The following PKIG variants were observed in gnomAD, a reference collection of about 807,000 sequenced individuals.
The protein encoded by PKIG is protein kinase (cAMP-dependent, catalytic) inhibitor gamma.
A neutral mutation model predicts 6.8 loss-of-function variants in PKIG; 1 was observed. That is an observed-to-expected ratio of 0.15 (90% CI 0.05 to 0.69). The LOEUF is 0.69. PKIG is among the 30% of genes least tolerant of loss of function. The pLI, the probability that PKIG is intolerant of heterozygous loss-of-function variation, is 0.82. For synonymous variants in PKIG, 39 were observed against 43.0 expected (o/e 0.91, Z 0.36); for missense variants, 77 against 104.0 (o/e 0.74, Z 1.13).
At chr20:44,607,377 A>ATTTTTTTT (rs59226646) in intron 2 of PKIG, among the ~76,000 whole-genome samples, 1 of 94,256 alleles carries the variant, frequency 1.1e-5, no homozygotes, top group Non-Finnish European at 1.9e-5. Context: ...ATATATATAT[A>ATTTTTTTT]TTTTTTTTTT....
rs67308411 is a variant in PKIG at position 44,618,167 on chromosome 20, C to T, written c.152-118C>T. Reference sequence around the variant, plus strand: ...CCACCACCTCAGTCCAGCTCCAGCTCGTCTTGCTCCCCAGGGCATATCCAC... The same window carrying T: ...CCACCACCTCAGTCCAGCTCCAGCTTGTCTTGCTCCCCAGGGCATATCCAC... On this transcript the variant is annotated intron_variant, in intron 3 of 3. Transcript: ENST00000372886. The T allele has an allele frequency of 3.3e-5, 18 of 550,456 alleles. No individual in the cohort carries two copies. The Middle Eastern group carries it at 1.4e-3, about 44-fold the overall frequency. The allele number at this position is 550,456 out of a possible 1,614,324, so 34.1% of individuals were successfully genotyped here. A position where few individuals can be genotyped will look rare whatever the true frequency, so the allele number is the denominator to read the frequency against.
At chr20:44,573,056 C>T (rs78733711) in intron 1 of PKIG, among the ~76,000 whole-genome samples, 2,761 of 152,316 alleles carry the variant, frequency 0.018, 88 homozygotes, top group African/African-American at 0.063. Context: ...GGCAGAGGCA[C>T]GCATGGCTCA....
At chr20:44,535,168 A>G (rs1462878375) in intron 1 of PKIG, among the ~76,000 whole-genome samples, 1 of 152,206 alleles carries the variant, frequency 6.6e-6, no homozygotes, top group Non-Finnish European at 1.5e-5. Flanking sequence ...ACATGTACCC[A>G]GCTTAGCCAC....
chr20:44,618,212 C>T, intron 3 of PKIG, 73 bp from the exon 4 acceptor site: 1 of 967,586 alleles, frequency 1.0e-6, no homozygotes, highest in Non-Finnish European at 1.7e-6. Flanking sequence ...TTTGGCTGGG[C>T]CCTTTCACAC....
At chr20:44,579,341 A>G (rs1396455559), upstream of PKIG, among the ~76,000 whole-genome samples, 2 of 152,230 alleles carry the variant, frequency 1.3e-5, no homozygotes, top group African/African-American at 4.8e-5. Flanking sequence ...CTTCATCCTC[A>G]AATGGAGCTG....
chr20:44,555,104 G>A (rs930469583), intron 1 of PKIG, among the ~76,000 whole-genome samples: 1 of 151,996 alleles, frequency 6.6e-6, no homozygotes, highest in African/African-American at 2.4e-5. Context: ...TATTTTTGTT[G>A]ATGTTGTCAT....
intron 1 of PKIG, among the ~76,000 whole-genome samples, chr20:44,554,625 A>G (rs2064697789): frequency 6.6e-6 from 1 of 152,150 alleles, no homozygotes; most frequent in African/African-American, 2.4e-5. Context: ...AATAGGCAGT[A>G]GTTTGCTGGT....
rs774154545 is a variant in PKIG, at chr20:44,614,698, G to A, written c.142G>A (p.Glu48Lys). The change falls in exon 3 of 4, where the codon GAG becomes AAG. Residue 48 changes from glutamate to lysine, a missense_variant. Physicochemically the swap from Glu to Lys is moderately conservative, Grantham distance 56 (BLOSUM62 1). Coordinates refer to ENST00000372886, the MANE Select transcript of PKIG (RefSeq NM_001281445.2). The surrounding 1 kb of genome is among the most constrained non-coding windows in gnomAD (Gnocchi z 4.6). Reference sequence around the variant, plus strand: ...TGGAGACATGGGCGAGCTGGCACTCGAGGGGGCAGGTTAGAGCCAGCAGGT... The same window carrying A: ...TGGAGACATGGGCGAGCTGGCACTCAAGGGGGCAGGTTAGAGCCAGCAGGT... ...LAGDMGELAL[E>K]GAEGQVEGSA... The A allele has an allele frequency of 1.7e-5, 27 of 1,613,540 alleles. No individual in the cohort carries two copies. The highest frequency in any genetic ancestry group is 4.5e-5 in the East Asian group (2 of 44,894).
At chr20:44,616,073 C>T (rs1212572661) in intron 3 of PKIG, among the ~76,000 whole-genome samples, 1 of 152,176 alleles carries the variant, frequency 6.6e-6, no homozygotes, top group Non-Finnish European at 1.5e-5. Context: ...CAGCCATAGT[C>T]AAGTACTTTG....
intron 2 of PKIG, among the ~76,000 whole-genome samples, chr20:44,612,201 A>G (rs973939220): frequency 2.6e-5 from 4 of 152,216 alleles, no homozygotes; most frequent in Admixed American, 6.5e-5. Context: ...ACTGTTTTCC[A>G]TAGTGGCTGT....
At chr20:44,578,336 A>G (rs1470492923), upstream of PKIG, among the ~76,000 whole-genome samples, 1 of 151,828 alleles carries the variant, frequency 6.6e-6, no homozygotes, top group Non-Finnish European at 1.5e-5. Flanking sequence ...CTCAAAAAAA[A>G]AAAAAAAAAA....
intron 1 of PKIG, among the ~76,000 whole-genome samples, chr20:44,558,603 T>TCA (rs1491261401): frequency 6.6e-6 from 1 of 150,482 alleles, no homozygotes; most frequent in Non-Finnish European, 1.5e-5. Flanking sequence ...TCTTTCTTTC[T>TCA]TTCTTTCTTT....
chr20:44,544,882 CTTTCT>C (rs1220779820), intron 1 of PKIG, among the ~76,000 whole-genome samples: 72 of 137,236 alleles, frequency 5.2e-4, no homozygotes, highest in East Asian at 2.8e-3. Flanking sequence ...TGACTTTCCT[CTTTCT>C]TTTCTTTTCT....
chr20:44,611,130 C>T lies in PKIG; in HGVS notation c.-23-3404C>T, dbSNP rs535671467. 4.6e-5 allele frequency among the ~76,000 whole-genome samples: 7 copies of T among 150,698 alleles called. No homozygotes were observed. In the South Asian group the frequency reaches 8.4e-4, roughly 18 times the overall value. On this transcript the variant is annotated intron_variant, in intron 2 of 3. Transcript: ENST00000372886. ...AGTGCAGTGGCGTGATCTCAGCTCACGGCAGTCTCCGCCTCATGGGTTCAA... is the reference window on the plus strand; with the variant it reads ...AGTGCAGTGGCGTGATCTCAGCTCATGGCAGTCTCCGCCTCATGGGTTCAA...
intron 2 of PKIG, among the ~76,000 whole-genome samples, chr20:44,612,641 C>A (rs2065229729): frequency 6.6e-6 from 1 of 152,164 alleles, no homozygotes; most frequent in Non-Finnish European, 1.5e-5. Flanking sequence ...TTGTGTGCTA[C>A]TGGTGGGAAT....
At chr20:44,537,783 A>G (rs2123131594) in intron 1 of PKIG, among the ~76,000 whole-genome samples, 1 of 143,204 alleles carries the variant, frequency 7.0e-6, no homozygotes, top group Non-Finnish European at 1.5e-5. Context: ...ACAGGGTTTC[A>G]CCATATTGGC....
At position 44,614,324 on chromosome 20, in the gene PKIG, G is replaced by A; in HGVS notation, c.-23-210G>A. On this transcript the variant is annotated intron_variant, in intron 2 of 3. Coordinates refer to ENST00000372886, the MANE Select transcript of PKIG (RefSeq NM_001281445.2). This position sits in a 1 kb window ranked among gnomAD's most constrained non-coding sequence, Gnocchi z 4.6. The stretch of plus-strand genomic sequence containing the variant: ...TATTTAAAGAAAAGTCTGAGCCCAT[G>A]TTCTTTAAAATGTTGATGGTGGTTG... 2 of 488,822 alleles carry A rather than the reference G, an allele frequency of 4.1e-6. No individual in the cohort carries two copies. The highest frequency in any genetic ancestry group is 3.6e-5 in the Admixed American group (1 of 27,402). The allele number at this position is 488,822 out of a possible 1,614,324, so 30.3% of individuals were successfully genotyped here. A position where few individuals can be genotyped will look rare whatever the true frequency, so the allele number is the denominator to read the frequency against.
chr20:44,547,444 C>T (rs535222033), intron 1 of PKIG, among the ~76,000 whole-genome samples: 64 of 152,134 alleles, frequency 4.2e-4, no homozygotes, highest in Non-Finnish European at 7.3e-4. Flanking sequence ...GGGAGAGAAG[C>T]AGGCCATGTG....
At chr20:44,550,896 T>C (rs1165572394) in intron 1 of PKIG, among the ~76,000 whole-genome samples, 2 of 152,094 alleles carry the variant, frequency 1.3e-5, no homozygotes, top group Non-Finnish European at 2.9e-5. Context: ...GGAAAAAAAT[T>C]AACAAGAGTA....
Sources: gnomAD v4.1 joint callset for allele counts (sites outside exome capture counted in the v4.1 genomes callset) on GRCh38, gnomAD v4.1.1 for gene constraint, Gnocchi (gnomAD v3.1) non-coding constraint, MANE v1.5 for transcripts, NCBI Gene and HGNC (gene_info 2026-07-23, HGNC 2026-07-21) for gene names.